The following NEDD9 variants were observed in gnomAD, a reference collection of about 807,000 sequenced individuals.
NEDD9 encodes the protein neural precursor cell expressed, developmentally down-regulated 9.
In NEDD9, 26 loss-of-function variants were observed where a neutral mutation model predicts 76.6. The observed-to-expected ratio is 0.34, with a 90% CI of 0.25 to 0.47. The LOEUF (loss-of-function observed/expected upper bound fraction) is 0.47. Ranked by LOEUF, NEDD9 falls within the 20% of genes least tolerant of loss-of-function variation. The pLI is 1.00. For missense variants in NEDD9, 937 were observed against 1,058.5 expected (o/e 0.89, Z 1.59); for synonymous variants, 392 against 414.2 (o/e 0.95, Z 0.65).
In NEDD9 at chr6:11,188,322, C is replaced by T; in HGVS notation, c.1906-15G>A. ...TCCTCCTTACCCTGTTAATTTTCAA[C>T]ATAAAGAACATATTATGTCATCACT... On this transcript the variant is annotated splice_polypyrimidine_tract_variant and intron_variant, in intron 5 of 6. Transcript: ENST00000379446. 5.1e-6 allele frequency: 8 copies of T among 1,577,634 alleles called. No homozygotes were observed. The highest frequency in any genetic ancestry group is 7.0e-6 in the Non-Finnish European group (8 of 1,146,768).
chr6:11,269,698 G>A (rs967912241), intron 3 of NEDD9, among the ~76,000 whole-genome samples: 5 of 152,114 alleles, frequency 3.3e-5, no homozygotes, highest in African/African-American at 1.2e-4. Flanking sequence ...AATTTAGTTT[G>A]TAATAGTAAA....
At chr6:11,225,735 T>A (rs1482914526) in intron 1 of NEDD9, among the ~76,000 whole-genome samples, 1 of 151,556 alleles carries the variant, frequency 6.6e-6, no homozygotes, top group Non-Finnish European at 1.5e-5. Context: ...TCTCCTGACC[T>A]CGTGATCCGC....
At chr6:11,323,401 G>A (rs1258883951) in intron 2 of NEDD9, among the ~76,000 whole-genome samples, 1 of 152,262 alleles carries the variant, frequency 6.6e-6, no homozygotes. Context: ...AAGAGCATGT[G>A]GTGGGAGTGG....
chr6:11,276,981 A>T (rs1284359751), intron 3 of NEDD9, among the ~76,000 whole-genome samples: 1 of 150,106 alleles, frequency 6.7e-6, no homozygotes, highest in Non-Finnish European at 1.5e-5. Flanking sequence ...TAGTGATGGA[A>T]ATGAAAATAG....
At chr6:11,205,123 C>T (rs779695034) in intron 2 of NEDD9, among the ~76,000 whole-genome samples, 6 of 152,224 alleles carry the variant, frequency 3.9e-5, no homozygotes, top group Non-Finnish European at 5.9e-5. Context: ...TGGAGTCAGA[C>T]AGACGTGGGC....
At chr6:11,373,388 G>A (rs942744160) in intron 1 of NEDD9, among the ~76,000 whole-genome samples, 4 of 152,206 alleles carry the variant, frequency 2.6e-5, no homozygotes, top group Non-Finnish European at 5.9e-5. Context: ...AGTCCAGGAA[G>A]TCAGAACCTC....
intron 3 of NEDD9, among the ~76,000 whole-genome samples, chr6:11,277,671 A>G (rs960103585): frequency 1.4e-4 from 22 of 152,154 alleles, no homozygotes; most frequent in African/African-American, 5.1e-4. Flanking sequence ...TGCCCATAGC[A>G]GTGTTGAACC....
intron 3 of NEDD9, among the ~76,000 whole-genome samples, chr6:11,243,688 A>T (rs1581980053): frequency 6.9e-6 from 1 of 145,686 alleles, no homozygotes; most frequent in Non-Finnish European, 1.5e-5. Flanking sequence ...AATGTGTTTC[A>T]GTCTTCTTTT....
At chr6:11,316,799 C>T (rs1030068299) in intron 2 of NEDD9, among the ~76,000 whole-genome samples, 1 of 152,148 alleles carries the variant, frequency 6.6e-6, no homozygotes, top group African/African-American at 2.4e-5. Context: ...ACCGAAAGAG[C>T]ATAGTAACTG....
upstream of NEDD9, among the ~76,000 whole-genome samples, chr6:11,237,116 C>A (rs538314043): frequency 7.0e-4 from 106 of 152,332 alleles, no homozygotes; most frequent in African/African-American, 2.5e-3. This position sits in a 1 kb window ranked among gnomAD's most constrained non-coding sequence, Gnocchi z 4.9. Flanking sequence ...ACCCTGCCCA[C>A]CTCGCCCTTT....
chr6:11,185,692 G>GATCTCATT, intron 6 of NEDD9, 21 bp from the exon 7 acceptor site: 1 of 1,613,132 alleles, frequency 6.2e-7, no homozygotes, highest in Non-Finnish European at 8.5e-7. Context: ...GACGAAAGCA[G>GATCTCATT]ATCTCATTAG....
At chr6:11,378,154 A>G (rs1762997768) in intron 1 of NEDD9, among the ~76,000 whole-genome samples, 11 of 152,160 alleles carry the variant, frequency 7.2e-5, no homozygotes, top group Admixed American at 7.2e-4. Flanking sequence ...GAGGCAGGAG[A>G]ATCACTTGAA....
At chr6:11,326,002 C>T (rs1199382190) in intron 2 of NEDD9, among the ~76,000 whole-genome samples, 1 of 152,138 alleles carries the variant, frequency 6.6e-6, no homozygotes, top group African/African-American at 2.4e-5. Context: ...AGAAATTAGA[C>T]AGGTGTCGTG....
intron 2 of NEDD9, among the ~76,000 whole-genome samples, chr6:11,207,951 G>A (rs1003911189): frequency 2.0e-5 from 3 of 152,200 alleles, no homozygotes; most frequent in African/African-American, 7.2e-5. Flanking sequence ...CCTGAAGCGG[G>A]CATATCACCT....
At chr6:11,340,691 A>G (rs1353575587) in intron 1 of NEDD9, among the ~76,000 whole-genome samples, 1 of 152,182 alleles carries the variant, frequency 6.6e-6, no homozygotes, top group Non-Finnish European at 1.5e-5. Flanking sequence ...ACCTTGAATA[A>G]TTCAGAATTT....
At chr6:11,248,193 T>TA (rs780238567) in intron 3 of NEDD9, among the ~76,000 whole-genome samples, 46 of 149,988 alleles carry the variant, frequency 3.1e-4, no homozygotes, top group Non-Finnish European at 5.5e-4. Context: ...ACTGCTTACT[T>TA]AAAAAAAATA....
intron 1 of NEDD9, among the ~76,000 whole-genome samples, chr6:11,215,465 C>G (rs1442671697): frequency 6.6e-6 from 1 of 152,238 alleles, no homozygotes; most frequent in Non-Finnish European, 1.5e-5. Flanking sequence ...GCAGTTTCCC[C>G]TGTTCATGGA....
chr6:11,295,451 C>G (rs1760869144), intron 3 of NEDD9, among the ~76,000 whole-genome samples: 1 of 152,158 alleles, frequency 6.6e-6, no homozygotes, highest in Non-Finnish European at 1.5e-5. Context: ...GTAGTGGACA[C>G]TGGGGTCCAT....
chr6:11,203,799 C>G (rs942674916), intron 2 of NEDD9, among the ~76,000 whole-genome samples: 2 of 152,172 alleles, frequency 1.3e-5, no homozygotes, highest in Admixed American at 1.3e-4. Context: ...ACTCCAGTCC[C>G]TGCCTCCTTG....
Sources: allele counts gnomAD v4.1 joint callset (sites outside exome capture counted in the v4.1 genomes callset), GRCh38; gene constraint gnomAD v4.1.1; non-coding constraint Gnocchi (gnomAD v3.1); transcripts MANE v1.5; gene names NCBI Gene and HGNC (gene_info 2026-07-23, HGNC 2026-07-21).